Variants in JPH3 observed in about 807,000 individuals in gnomAD.
JPH3 encodes junctophilin 3.
A neutral mutation model predicts 59.6 loss-of-function variants in JPH3; 11 were observed. The ratio of observed to expected loss-of-function variants is 0.18; its 90% CI spans 0.12 to 0.31. The LOEUF (loss-of-function observed/expected upper bound fraction) is 0.31, where lower values mean the gene tolerates loss of function less well. Ranked by LOEUF, JPH3 falls within the 10% of genes least tolerant of loss-of-function variation. The pLI, the probability that JPH3 is intolerant of heterozygous loss-of-function variation, is 1.00. For synonymous variants in JPH3, 673 were observed against 483.6 expected (o/e 1.39, Z -5.14); for missense variants, 1,202 against 1,105.7 (o/e 1.09, Z -1.24).
chr16:87,696,382 G>C (rs2033854648), intron 4 of JPH3, 198 bp from the exon 5 acceptor site: 1 of 598,172 alleles, frequency 1.7e-6, no homozygotes, highest in African/African-American at 1.9e-5. Flanking sequence ...AGGCAGCTGG[G>C]GCTTCTCTCC....
chr16:87,636,607 G>C (rs1052613289), intron 1 of JPH3, among the ~76,000 whole-genome samples: 1 of 152,218 alleles, frequency 6.6e-6, no homozygotes, highest in African/African-American at 2.4e-5. Context: ...GTCAGGCTAC[G>C]CAGGCAGTCA....
chr16:87,681,920 G>A (rs866955818), intron 2 of JPH3, among the ~76,000 whole-genome samples: 3 of 152,142 alleles, frequency 2.0e-5, no homozygotes, highest in African/African-American at 4.8e-5. Flanking sequence ...TTCAGGCCGC[G>A]CATCTTTAGT....
intron 1 of JPH3, among the ~76,000 whole-genome samples, chr16:87,635,601 G>T (rs1201907443): frequency 6.6e-6 from 1 of 152,230 alleles, no homozygotes; most frequent in African/African-American, 2.4e-5. Flanking sequence ...AGCTTCTCAG[G>T]CCATGCCAGC....
chr16:87,696,510 T>C, intron 4 of JPH3, 70 bp from the exon 5 acceptor site: 2 of 1,269,496 alleles, frequency 1.6e-6, no homozygotes, highest in Non-Finnish European at 2.3e-6. Flanking sequence ...AAGACGTGGG[T>C]GGGAGGCGTG....
At chr16:87,636,882 G>A (rs902345017) in intron 1 of JPH3, among the ~76,000 whole-genome samples, 9 of 152,218 alleles carry the variant, frequency 5.9e-5, no homozygotes, top group East Asian at 1.9e-4. Context: ...ACTCAGCTCC[G>A]AGATGTGACT....
intron 1 of JPH3, among the ~76,000 whole-genome samples, chr16:87,638,743 C>T (rs1413709286): frequency 3.3e-5 from 5 of 152,174 alleles, no homozygotes; most frequent in Admixed American, 6.5e-5. Context: ...TCTGCTTCCC[C>T]TCCTGTAGAA....
intron 1 of JPH3, among the ~76,000 whole-genome samples, chr16:87,634,077 G>A (rs1352149634): frequency 6.6e-6 from 1 of 152,178 alleles, no homozygotes; most frequent in Non-Finnish European, 1.5e-5. Context: ...CCGTGCAGCC[G>A]GGGACAAAGT....
At chr16:87,663,787 T>C (rs2032777044) in intron 2 of JPH3, among the ~76,000 whole-genome samples, 1 of 152,166 alleles carries the variant, frequency 6.6e-6, no homozygotes, top group Non-Finnish European at 1.5e-5. Context: ...CCAAGTGCCG[T>C]GTTAATGTGT....
intron 1 of JPH3, among the ~76,000 whole-genome samples, chr16:87,634,179 C>T (rs1027977054): frequency 2.0e-5 from 3 of 152,150 alleles, no homozygotes; most frequent in Non-Finnish European, 2.9e-5. Flanking sequence ...TGTTGGCCAG[C>T]GCAGGGCTCT....
chr16:87,666,583 G>T (rs2032869028), intron 2 of JPH3, among the ~76,000 whole-genome samples: 1 of 151,812 alleles, frequency 6.6e-6, no homozygotes. Context: ...TTTTTGTAGA[G>T]ATAGGGGTCT....
intron 2 of JPH3, among the ~76,000 whole-genome samples, chr16:87,645,825 C>G (rs2032129157): frequency 1.3e-5 from 2 of 152,172 alleles, no homozygotes; most frequent in Admixed American, 1.3e-4. Flanking sequence ...TGGCAGGAGC[C>G]ACCTGCTGCA....
At chr16:87,639,818 C>T (rs1180160756) in intron 1 of JPH3, among the ~76,000 whole-genome samples, 4 of 152,230 alleles carry the variant, frequency 2.6e-5, no homozygotes, top group Admixed American at 6.5e-5. Flanking sequence ...AAGGCTCATC[C>T]AGGAAGCAGC....
chr16:87,612,894 C>G (rs895177815), intron 1 of JPH3, among the ~76,000 whole-genome samples: 1 of 151,312 alleles, frequency 6.6e-6, no homozygotes, highest in Non-Finnish European at 1.5e-5. Flanking sequence ...TGGTGGCGGG[C>G]GGGCACCTGT....
At chr16:87,609,432 A>T (rs1270382850) in intron 1 of JPH3, among the ~76,000 whole-genome samples, 2 of 151,972 alleles carry the variant, frequency 1.3e-5, no homozygotes, top group Non-Finnish European at 2.9e-5. Flanking sequence ...ACACCTGGCT[A>T]ATGTTTTGGG....
intron 2 of JPH3, among the ~76,000 whole-genome samples, chr16:87,659,219 CA>C (rs960740801): frequency 1.3e-5 from 2 of 151,594 alleles, no homozygotes; most frequent in Non-Finnish European, 2.9e-5. Context: ...ACTGAAAATA[CA>C]AAAAAATTCA....
intron 1 of JPH3, among the ~76,000 whole-genome samples, chr16:87,605,712 C>A (rs1172811549): frequency 1.3e-5 from 2 of 152,214 alleles, no homozygotes; most frequent in African/African-American, 4.8e-5. Flanking sequence ...GTCCATTCTA[C>A]AGATGAGGCC....
Position 87,602,995 on chromosome 16 carries a change from G to GCCGCCCGCGC in JPH3, c.-148_-139dup, listed in dbSNP as rs1446029980. On this transcript the variant is annotated 5_prime_UTR_variant, in exon 1 of 5. Transcript: ENST00000284262. ...AAATTCCTCCGGAGCCGGCGCCGCG[G>GCCGCCCGCGC]CCGCCCGCGCCCGAGACCGCGCTCC... 4.8e-6 allele frequency: 4 copies of GCCGCCCGCGC among 831,024 alleles called. No individual in the cohort carries two copies. Among genetic ancestry groups the GCCGCCCGCGC allele is most frequent in the Non-Finnish European group, 7.2e-6 (4 of 554,930 alleles). The allele number at this position is 831,024 out of a possible 1,614,324, so 51.5% of individuals were successfully genotyped here.
chr16:87,651,237 C>G (rs1258848605), intron 2 of JPH3, among the ~76,000 whole-genome samples: 2 of 152,202 alleles, frequency 1.3e-5, no homozygotes, highest in African/African-American at 4.8e-5. Context: ...GAAAAAGATT[C>G]CTTTTAAAAT....
At chr16:87,649,469 G>T (rs1241238661) in intron 2 of JPH3, among the ~76,000 whole-genome samples, 1 of 152,216 alleles carries the variant, frequency 6.6e-6, no homozygotes. Flanking sequence ...GGTTGCTCTA[G>T]AAGATGAAAC....
Sources: gnomAD v4.1 joint callset for allele counts (sites outside exome capture counted in the v4.1 genomes callset) on GRCh38, gnomAD v4.1.1 for gene constraint, MANE v1.5 for transcripts, NCBI Gene and HGNC (gene_info 2026-07-23, HGNC 2026-07-21) for gene names.